Variants in SOX6 observed in about 807,000 individuals in gnomAD.
SOX6 encodes the protein SRY-box transcription factor 6.
Under a neutral mutation model 97.8 loss-of-function variants are expected in SOX6, and 11 were observed. The ratio of observed to expected loss-of-function variants is 0.11; its 90% confidence interval spans 0.07 to 0.19. The LOEUF is 0.19. Ranked by LOEUF, SOX6 falls within the 10% of genes least tolerant of loss-of-function variation. SOX6 has a pLI of 1.00. For missense variants in SOX6, 810 were observed against 1,039.5 expected, an observed-to-expected ratio of 0.78 and a Z score of 3.04; for synonymous variants, 360 against 371.4, an observed-to-expected ratio of 0.97 and a Z score of 0.35.
At chr11:16,242,194 TAA>T (rs1225880606) in intron 3 of SOX6, among the ~76,000 whole-genome samples, 3 of 152,088 alleles carry the variant, frequency 2.0e-5, no homozygotes, top group Admixed American at 2.0e-4. Context: ...TAGTCTTGCA[TAA>T]GAGTATAATG....
chr11:16,451,383 C>T (rs954543852), intron 1 of SOX6, among the ~76,000 whole-genome samples: 11 of 152,112 alleles, frequency 7.2e-5, no homozygotes, highest in Non-Finnish European at 1.2e-4. Context: ...CATTCTCATT[C>T]GTCTAATGAG....
intron 3 of SOX6, among the ~76,000 whole-genome samples, chr11:16,618,251 T>C (rs1848495513): frequency 6.6e-6 from 1 of 151,946 alleles, no homozygotes; most frequent in Admixed American, 6.6e-5. Flanking sequence ...TTTCTTTTAT[T>C]GCACATTTCA....
At chr11:15,995,100 C>T (rs1271297528) in intron 13 of SOX6, among the ~76,000 whole-genome samples, 3 of 152,142 alleles carry the variant, frequency 2.0e-5, no homozygotes, top group African/African-American at 4.8e-5. Flanking sequence ...GACCCCTGAA[C>T]TTGCCATGTA....
At chr11:16,679,679 G>T (rs191631089) in intron 3 of SOX6, among the ~76,000 whole-genome samples, 1 of 152,300 alleles carries the variant, frequency 6.6e-6, no homozygotes. Context: ...TGAGCTTAAG[G>T]AGCGTGTTCT....
chr11:16,521,720 A>G (rs765120066), intron 4 of SOX6, among the ~76,000 whole-genome samples: 2 of 152,182 alleles, frequency 1.3e-5, no homozygotes, highest in Admixed American at 6.5e-5. Flanking sequence ...CAAAGAAGTT[A>G]AAAACTTTGA....
intron 2 of SOX6, among the ~76,000 whole-genome samples, chr11:16,723,513 GA>G (rs1436245316): frequency 6.6e-6 from 1 of 151,862 alleles, no homozygotes; most frequent in Non-Finnish European, 1.5e-5. Context: ...AAAAAACTGA[GA>G]AAAGTCCATC....
chr11:16,492,865 A>C (rs1171059585), intron 4 of SOX6, among the ~76,000 whole-genome samples: 2 of 152,224 alleles, frequency 1.3e-5, no homozygotes, highest in African/African-American at 4.8e-5. Flanking sequence ...AAACATCAAA[A>C]TGTGCTTAAC....
At chr11:16,512,126 C>G (rs938466647) in intron 4 of SOX6, among the ~76,000 whole-genome samples, 6 of 152,074 alleles carry the variant, frequency 3.9e-5, no homozygotes, top group African/African-American at 7.2e-5. Context: ...CTTCCAAACA[C>G]TTGATGTACA....
intron 1 of SOX6, among the ~76,000 whole-genome samples, chr11:16,438,053 A>C (rs954921602): frequency 6.6e-6 from 1 of 152,176 alleles, no homozygotes. Flanking sequence ...TTTAAAAAGA[A>C]GGTTATCAAT....
rs564251777 is a variant in SOX6 at position 16,548,334 on chromosome 11, A to T, written n.609+63747T>A. On this transcript the variant is annotated intron_variant and non_coding_transcript_variant, in intron 4 of 5. Transcript: ENST00000524520. ...ATGTAGATTTATCAAAAGAATGAAGAGTGTTAGAAATGGTAACTATAAGGG... is the reference window on the plus strand; with the variant it reads ...ATGTAGATTTATCAAAAGAATGAAGTGTGTTAGAAATGGTAACTATAAGGG... Among the ~76,000 whole-genome samples the T allele has an allele frequency of 9.7e-4, 147 of 152,298 alleles. No homozygotes were observed. In the South Asian group the frequency reaches 0.029, roughly 30 times the overall value.
chr11:16,689,352 CT>C (rs911062956), intron 3 of SOX6, among the ~76,000 whole-genome samples: 1 of 152,186 alleles, frequency 6.6e-6, no homozygotes, highest in Non-Finnish European at 1.5e-5. Context: ...GTCCCTCTTC[CT>C]TGTGCCATAC....
chr11:16,645,956 C>T (rs1476203368), intron 3 of SOX6: 1 of 152,080 alleles, frequency 6.6e-6, no homozygotes, highest in African/African-American at 2.4e-5. Flanking sequence ...AACTCAATGG[C>T]TTAAAAAAAT....
intron 4 of SOX6, among the ~76,000 whole-genome samples, chr11:16,600,303 T>C (rs1848253522): frequency 6.6e-6 from 1 of 152,160 alleles, no homozygotes. Flanking sequence ...TAAACTAGAA[T>C]CCAATCTCAA....
At chr11:16,629,715 A>G (rs1327873848) in intron 3 of SOX6, among the ~76,000 whole-genome samples, 5 of 152,186 alleles carry the variant, frequency 3.3e-5, no homozygotes, top group Non-Finnish European at 4.4e-5. Context: ...CTGTGAATCC[A>G]TCCAGCTGAG....
intron 4 of SOX6, among the ~76,000 whole-genome samples, chr11:16,551,649 GC>G (rs1459585271): frequency 6.6e-6 from 1 of 152,024 alleles, no homozygotes; most frequent in Non-Finnish European, 1.5e-5. Flanking sequence ...TGTCACCCAG[GC>G]TGGAGTACAG....
chr11:16,214,837 C>T (rs1358440384), intron 4 of SOX6, among the ~76,000 whole-genome samples: 1 of 151,368 alleles, frequency 6.6e-6, no homozygotes, highest in Non-Finnish European at 1.5e-5. Context: ...GCAACCTCCG[C>T]CCCCTGGGTT....
In SOX6 at chr11:16,055,919, C is replaced by G; in HGVS notation, c.1102-18G>C. ...TAGAGCTGCTGCAAAACAGGGAAGA[C>G]AAACATTGATCTCTTTAAATGCAGC... On this transcript the variant is annotated intron_variant, in intron 9 of 15. Coordinates refer to ENST00000683767, the MANE Select transcript of SOX6 (RefSeq NM_001367873.1). 6.2e-7 allele frequency: 1 copy of G among 1,612,896 alleles called. No homozygotes were observed. The highest frequency in any genetic ancestry group is 1.1e-5 in the South Asian group (1 of 91,058).
chr11:16,044,163 A>C (rs1462134700), intron 12 of SOX6, among the ~76,000 whole-genome samples: 1 of 152,136 alleles, frequency 6.6e-6, no homozygotes, highest in Non-Finnish European at 1.5e-5. Context: ...ATAAACCTGC[A>C]TGCTGATCTT....
intron 13 of SOX6, among the ~76,000 whole-genome samples, chr11:16,007,548 C>T (rs10500821): frequency 2.6e-5 from 4 of 151,996 alleles, no homozygotes; most frequent in South Asian, 2.1e-4. Context: ...GAAAAGGAAA[C>T]GGCCAATTGA....
Sources: allele counts gnomAD v4.1 joint callset (sites outside exome capture counted in the v4.1 genomes callset), GRCh38; gene constraint gnomAD v4.1.1; transcripts MANE v1.5; gene names NCBI Gene and HGNC (gene_info 2026-07-23, HGNC 2026-07-21).